FAM83E: variants seen among roughly 807,000 people sequenced by gnomAD.
The protein encoded by FAM83E is scaffolding CK1 anchoring protein E, also known as protein FAM83E.
In FAM83E, 29 loss-of-function variants were observed where a neutral mutation model predicts 34.3. The observed-to-expected ratio is 0.85, with a 90% CI of 0.63 to 1.15. The LOEUF is 1.15. Ranked by LOEUF, FAM83E falls within the 50% of genes most tolerant of loss-of-function variation. The pLI is 0.00. For missense variants in FAM83E, 697 were observed against 685.0 expected, an observed-to-expected ratio of 1.02 and a Z score of -0.20; for synonymous variants, 312 against 311.6, an observed-to-expected ratio of 1.00 and a Z score of -0.01.
In FAM83E at chr19:48,603,909, A is replaced by T; in HGVS notation, c.761T>A (p.Phe254Tyr). 1 of 1,592,662 alleles carries T rather than the reference A, an allele frequency of 6.3e-7. No homozygotes were observed. Among genetic ancestry groups the T allele is most frequent in the South Asian group, 1.1e-5 (1 of 88,304 alleles). Residue 254 changes from phenylalanine to tyrosine, a missense_variant and splice_region_variant, in exon 6 of 7, where the codon TTC becomes TAC. Physicochemically the swap from Phe to Tyr is conservative, Grantham distance 22 (BLOSUM62 3). Coordinates refer to ENST00000263266, the MANE Select transcript of FAM83E (RefSeq NM_017708.4). ...GTGCAGGCGTGCGTCACTCCACGTGAAGCTGGGGGTCGGGGAGTAGGGGGT... is the reference window on the plus strand; with the variant it reads ...GTGCAGGCGTGCGTCACTCCACGTGTAGCTGGGGGTCGGGGAGTAGGGGGT... Reference protein sequence around the residue: ...GERVISGSYSFTWSDARLHRG... With the variant: ...GERVISGSYSYTWSDARLHRG...
intron 4 of FAM83E, 139 bp downstream of exon 4, chr19:48,610,541 T>C (rs1601130939): frequency 1.9e-6 from 2 of 1,042,792 alleles, no homozygotes; most frequent in East Asian, 5.3e-5. Context: ...ACCTCCCCAG[T>C]GCTGTGGGCA....
chr19:48,606,068 T>C (rs1482500692), intron 5 of FAM83E, among the ~76,000 whole-genome samples: 2 of 151,586 alleles, frequency 1.3e-5, no homozygotes, highest in South Asian at 2.1e-4. Flanking sequence ...CCCAGCACTT[T>C]GGGAGGTCGA....
In FAM83E at chr19:48,600,652, T is replaced by TTC. The variant is rs1471274167; in HGVS notation, c.*456_*457insGA. Among the ~76,000 whole-genome samples the TTC allele has an allele frequency of 2.1e-5, 3 of 139,892 alleles. No homozygotes were observed. The highest frequency in any genetic ancestry group is 4.6e-5 in the Non-Finnish European group (3 of 64,560). 91.8% of individuals were successfully genotyped at this position (139,892 alleles called of 152,430 possible). A position where few individuals can be genotyped will look rare whatever the true frequency, so the allele number is the denominator to read the frequency against. On this transcript the variant is annotated 3_prime_UTR_variant, in exon 7 of 7. Coordinates refer to ENST00000263266, the MANE Select transcript of FAM83E (RefSeq NM_017708.4). ...ATCAGCCTTTCTTTTTCTTTTTTCT[T>TTC]TTTTTTTTTTTTTTAAAGAGATGGC... is the stretch of plus-strand genomic sequence containing the variant.
At position 48,601,234 on chromosome 19, in the gene FAM83E, G is replaced by T. The variant is rs772729508; in HGVS notation, c.1312C>A (p.Arg438Ser). 1.2e-6 allele frequency: 2 copies of T among 1,606,868 alleles called. No homozygotes were observed. Among genetic ancestry groups the T allele is most frequent in the African/African-American group, 2.7e-5 (2 of 74,788 alleles). The change falls in exon 7 of 7, where the codon CGC (arginine) becomes AGC (serine). Residue 438 changes from arginine (R) to serine (S), a missense_variant. By Grantham distance (110) the Arg-to-Ser change is moderately radical. Transcript: ENST00000263266. ...CGGGCTGGGGACAGATAGCGGAGGC[G>T]GTGGGCGGGGGGCAGGGGCAGGGCA... is the stretch of plus-strand genomic sequence containing the variant. ...GGALPLPPAHRLRYLSPARRR... is the reference protein window; with the variant it reads ...GGALPLPPAHSLRYLSPARRR...
chr19:48,612,768 G>T, intron 3 of FAM83E, 140 bp downstream of exon 3: 2 of 964,126 alleles, frequency 2.1e-6, no homozygotes, highest in Non-Finnish European at 1.5e-6. Context: ...GGGGCTGGAA[G>T]GTGTGCACTC....
intron 6 of FAM83E, 51 bp from the exon 7 acceptor site, chr19:48,601,420 G>A (rs1316764838): frequency 1.9e-6 from 3 of 1,540,948 alleles, no homozygotes; most frequent in Non-Finnish European, 2.6e-6. Context: ...GGGGCCCTGG[G>A]GGCATCCCAG....
intron 5 of FAM83E, 52 bp downstream of exon 5, chr19:48,609,824 G>C: frequency 2.5e-6 from 4 of 1,589,268 alleles, no homozygotes; most frequent in Non-Finnish European, 3.4e-6. Flanking sequence ...GCACACTGAG[G>C]GAAAGTGGGG....
intron 5 of FAM83E, among the ~76,000 whole-genome samples, chr19:48,604,166 G>A (rs1490288234): frequency 1.3e-5 from 2 of 152,016 alleles, no homozygotes; most frequent in African/African-American, 4.8e-5. Context: ...GCTGAGGCAG[G>A]AGGGTTGCTT....
chr19:48,604,322 ATT>A (rs913336534), intron 5 of FAM83E, among the ~76,000 whole-genome samples: 105 of 97,886 alleles, frequency 1.1e-3, no homozygotes, highest in African/African-American at 1.8e-3. Context: ...TGACCCTGGG[ATT>A]TTTTTTTTTT....
chr19:48,602,703 AAATATATATATAT>A lies in FAM83E; in HGVS notation c.1176+778_1176+790del, dbSNP rs1250573625. On this transcript the variant is annotated intron_variant, in intron 6 of 6. Transcript: ENST00000263266. ...CCCTATCTCAAAAAAAAAAAAAAAAAAATATATATATATATATATATATATATATATATATATA... is the reference window on the plus strand; with the variant it reads ...CCCTATCTCAAAAAAAAAAAAAAAAAATATATATATATATATATATATATA... 4.0e-4 allele frequency among the ~76,000 whole-genome samples: 18 copies of A among 44,842 alleles called. 2 individuals carry two copies. The highest frequency in any genetic ancestry group is 1.3e-3 in the East Asian group (2 of 1,556). The allele number at this position is 44,842 out of a possible 152,430, so 29.4% of individuals were successfully genotyped here.
chr19:48,611,957 G>A (rs1361998195), intron 3 of FAM83E, among the ~76,000 whole-genome samples: 4 of 152,158 alleles, frequency 2.6e-5, no homozygotes, highest in Admixed American at 6.5e-5. Flanking sequence ...CTAGGCCACC[G>A]TGGCGAACTT....
chr19:48,607,391 A>C, intron 5 of FAM83E: 1 of 1,532,974 alleles, frequency 6.5e-7, no homozygotes. Context: ...GTTCTCCCAG[A>C]TCCGCCACTC....
At chr19:48,607,893 C>T (rs374856501) in intron 5 of FAM83E, among the ~76,000 whole-genome samples, 8 of 150,116 alleles carry the variant, frequency 5.3e-5, no homozygotes, top group African/African-American at 1.7e-4. Context: ...CCAAGCCTGT[C>T]TTACGTTACG....
At chr19:48,607,934 G>A (rs1249104578) in intron 5 of FAM83E, among the ~76,000 whole-genome samples, 3 of 151,824 alleles carry the variant, frequency 2.0e-5, no homozygotes, top group African/African-American at 7.3e-5. Flanking sequence ...AAGCTGGGAA[G>A]GTAAACACTC....
rs1974116179 is a variant in FAM83E at position 48,614,715 on chromosome 19, GGCT to G, written c.-1266_-1264del. On this transcript the variant is annotated 5_prime_UTR_variant, in exon 2 of 7. Transcript: ENST00000263266. ...CCCATCGCCGGGGCTCACCCACACC[GGCT>G]AGTGCCGGGCTCAATGGCCTCCCTT... The G allele has an allele frequency of 1.1e-6, 1 of 879,420 alleles. No individual in the cohort carries two copies. The highest frequency in any genetic ancestry group is 7.3e-5 in the Admixed American group (1 of 13,678). The allele number at this position is 879,420 out of a possible 1,614,324, so 54.5% of individuals were successfully genotyped here. A position where few individuals can be genotyped will look rare whatever the true frequency, so the allele number is the denominator to read the frequency against.
rs746176384 is a variant in FAM83E, at chr19:48,603,878, G to A, written c.792C>T (p.Gly264=). The part of the protein sequence containing the change: ...FTWSDARLHR[G]LVTLLTGEIV... ...TTTCACCAGTCAGCAGGGTCACCAGGCCTCGGTGCAGGCGTGCGTCACTCC... is the reference window on the plus strand; with the variant it reads ...TTTCACCAGTCAGCAGGGTCACCAGACCTCGGTGCAGGCGTGCGTCACTCC... Residue 264 remains glycine, a synonymous_variant, in exon 6 of 7, where the codon GGC becomes GGT. Transcript: ENST00000263266. The A allele has an allele frequency of 1.2e-6, 2 of 1,607,216 alleles. No individual in the cohort carries two copies. The highest frequency in any genetic ancestry group is 4.5e-5 in the East Asian group (2 of 44,238).
intron 3 of FAM83E, among the ~76,000 whole-genome samples, chr19:48,612,186 G>A (rs1974053319): frequency 6.6e-6 from 1 of 152,158 alleles, no homozygotes; most frequent in Non-Finnish European, 1.5e-5. Flanking sequence ...CCCTTCACGT[G>A]GGAGCTGGCG....
chr19:48,614,884 C>G, intron 1 of FAM83E, 45 bp from the exon 2 acceptor site: 1 of 766,354 alleles, frequency 1.3e-6, no homozygotes, highest in African/African-American at 1.9e-5. Context: ...ACAGGAGGGC[C>G]CCCACAGGCC....
Position 48,612,903 on chromosome 19 carries a change from C to A in FAM83E, c.465+5G>T, listed in dbSNP as rs1389346801. 1.3e-6 allele frequency: 2 copies of A among 1,532,426 alleles called. No homozygotes were observed. The highest frequency in any genetic ancestry group is 2.4e-5 in the East Asian group (1 of 41,110). The allele number at this position is 1,532,426 out of a possible 1,614,324, so 94.9% of individuals were successfully genotyped here. On this transcript the variant is annotated splice_donor_5th_base_variant and intron_variant, in intron 3 of 6. Coordinates refer to ENST00000263266, the MANE Select transcript of FAM83E (RefSeq NM_017708.4). The stretch of plus-strand genomic sequence containing the variant: ...GAATGGACACAGGGCCCCCGCGACA[C>A]CCACCTTGTGGGCAGCCTGGATCTC...
Sources: gnomAD v4.1 joint callset for allele counts (sites outside exome capture counted in the v4.1 genomes callset) on GRCh38, gnomAD v4.1.1 for gene constraint, MANE v1.5 for transcripts, NCBI Gene and HGNC (gene_info 2026-07-23, HGNC 2026-07-21) for gene names.